TBC1D14: variants seen among roughly 807,000 people sequenced by gnomAD.
TBC1D14 encodes TBC1 domain family member 14, also known as TBC1 domain family, member 14.
A neutral mutation model predicts 79.0 loss-of-function variants in TBC1D14; 26 were observed. The observed-to-expected ratio is 0.33, with a 90% CI of 0.24 to 0.46. The LOEUF (loss-of-function observed/expected upper bound fraction) is 0.46. Ranked by LOEUF, TBC1D14 falls within the 20% of genes least tolerant of loss-of-function variation. The pLI is 1.00. For missense variants in TBC1D14, 769 were observed against 887.6 expected, an observed-to-expected ratio of 0.87 and a Z score of 1.70; for synonymous variants, 394 against 349.9, an observed-to-expected ratio of 1.13 and a Z score of -1.40.
intron 2 of TBC1D14, among the ~76,000 whole-genome samples, chr4:6,930,041 G>A (rs1193901327): frequency 1.3e-5 from 2 of 152,320 alleles, no homozygotes; most frequent in East Asian, 1.9e-4. Flanking sequence ...GGGGAAGTGC[G>A]GGGCTGGGAG....
At chr4:6,950,451 A>G (rs1314464183) in intron 2 of TBC1D14, among the ~76,000 whole-genome samples, 3 of 152,176 alleles carry the variant, frequency 2.0e-5, no homozygotes, top group Non-Finnish European at 2.9e-5. Context: ...TTAGTGCTGA[A>G]TTGAAGTGGG....
chr4:6,935,997 T>G (rs1712288672), intron 2 of TBC1D14, among the ~76,000 whole-genome samples: 1 of 152,234 alleles, frequency 6.6e-6, no homozygotes, highest in South Asian at 2.1e-4. Context: ...TAGACTTTAT[T>G]TTTTAGAGCA....
intron 3 of TBC1D14, among the ~76,000 whole-genome samples, chr4:6,993,416 G>A (rs1340694693): frequency 3.3e-5 from 5 of 152,190 alleles, no homozygotes; most frequent in Admixed American, 1.3e-4. Context: ...TGCAGTGCAC[G>A]GGTGAATCGG....
Position 6,923,779 on chromosome 4 carries a change from T to G in TBC1D14, c.390T>G (p.Phe130Leu). ...AGAGCGTGCGCAAATCCTCCACGTTTCCCAGGACAGGCTATGACTCGGTAA... is the reference window on the plus strand; with the variant it reads ...AGAGCGTGCGCAAATCCTCCACGTTGCCCAGGACAGGCTATGACTCGGTAA... ...REQSVRKSST[F>L]PRTGYDSVKL... is the part of the protein sequence containing the mutation. The change falls in exon 2 of 14, where the codon TTT becomes TTG. Residue 130 changes from phenylalanine (F) to leucine (L), a missense_variant. Around this residue, in one of 2 missense-constraint regions of TBC1D14, gnomAD observed 402 missense variants for 393.2 expected, o/e 1.02. Coordinates refer to ENST00000409757, the MANE Select transcript of TBC1D14 (RefSeq NM_020773.3). 1 of 1,614,062 alleles carries G rather than the reference T, an allele frequency of 6.2e-7. No homozygotes were observed. The highest frequency in any genetic ancestry group is 8.5e-7 in the Non-Finnish European group (1 of 1,180,034).
In TBC1D14 at chr4:7,016,768, G is replaced by A. The variant is rs547294866; in HGVS notation, c.1757+2211G>A. Among the ~76,000 whole-genome samples the A allele has an allele frequency of 7.9e-5, 12 of 152,256 alleles. No individual in the cohort carries two copies. In the South Asian group the frequency reaches 1.4e-3, roughly 18 times the overall value. ...AAAATGCTGGTGATAATCTGCTTTC[G>A]TTGCCTTCGTGATCCACTGGCTGTT... On this transcript the variant is annotated intron_variant, in intron 12 of 13. Transcript: ENST00000409757.
At position 6,988,083 on chromosome 4, in the gene TBC1D14, T is replaced by G. The variant is rs554142261; in HGVS notation, c.844-6101T>G. On this transcript the variant is annotated intron_variant, in intron 3 of 13. Coordinates refer to ENST00000409757, the MANE Select transcript of TBC1D14 (RefSeq NM_020773.3). ...TTAGCCGGGGCTGCCTTTTGGAAGG[T>G]GGGACCTTTCTAAGACCTGTGCAGG... Among the ~76,000 whole-genome samples, 106 of 152,282 alleles carry G rather than the reference T, an allele frequency of 7.0e-4. 2 individuals carry two copies. The South Asian group carries it at 0.022, about 31-fold the overall frequency.
intron 9 of TBC1D14, chr4:7,007,382 CCTT>C (rs1720308560): frequency 2.4e-6 from 1 of 414,164 alleles, no homozygotes; most frequent in South Asian, 2.0e-5. Flanking sequence ...TCTTTAAAGA[CCTT>C]CTATTCTTTG....
chr4:6,964,796 T>G (rs1715555519), intron 2 of TBC1D14, among the ~76,000 whole-genome samples: 1 of 152,214 alleles, frequency 6.6e-6, no homozygotes, highest in Non-Finnish European at 1.5e-5. Flanking sequence ...TTTGTTTTAT[T>G]TTTTTGAAAG....
chr4:6,916,353 A>G (rs1560238343), intron 1 of TBC1D14, among the ~76,000 whole-genome samples: 1 of 152,140 alleles, frequency 6.6e-6, no homozygotes, highest in Non-Finnish European at 1.5e-5. Context: ...CTTCCGGTGG[A>G]TATCTACACA....
chr4:7,011,640 T>A (rs1720785423), intron 11 of TBC1D14, among the ~76,000 whole-genome samples: 1 of 152,026 alleles, frequency 6.6e-6, no homozygotes, highest in Admixed American at 6.6e-5. Flanking sequence ...CACTACGACC[T>A]CCGCTTCCTG....
chr4:6,992,572 T>G (rs1286153048), intron 3 of TBC1D14, among the ~76,000 whole-genome samples: 1 of 152,248 alleles, frequency 6.6e-6, no homozygotes, highest in Non-Finnish European at 1.5e-5. Flanking sequence ...ATTCTGGCCT[T>G]GGCATACAGT....
chr4:6,961,520 G>A (rs1347323866), intron 2 of TBC1D14, among the ~76,000 whole-genome samples: 2 of 152,122 alleles, frequency 1.3e-5, no homozygotes, highest in Non-Finnish European at 2.9e-5. Context: ...GCATGGCCAG[G>A]CTGAACCCCC....
intron 3 of TBC1D14, among the ~76,000 whole-genome samples, chr4:6,988,927 G>C (rs546210312): frequency 7.7e-4 from 70 of 90,468 alleles, no homozygotes; most frequent in African/African-American, 3.0e-3. Context: ...GTCTTGTCCT[G>C]TTGCCCTGGT....
intron 2 of TBC1D14, among the ~76,000 whole-genome samples, chr4:6,931,678 G>A (rs1376471333): frequency 6.6e-6 from 1 of 151,984 alleles, no homozygotes; most frequent in Non-Finnish European, 1.5e-5. Flanking sequence ...GTTTTCTTTT[G>A]GCAGCAAATC....
At chr4:6,965,417 A>G (rs1206550639) in intron 2 of TBC1D14, among the ~76,000 whole-genome samples, 1 of 152,142 alleles carries the variant, frequency 6.6e-6, no homozygotes, top group East Asian at 1.9e-4. Flanking sequence ...ATTATTGTAT[A>G]AATTGTCTCA....
At chr4:6,916,996 C>T (rs1439009125) in intron 1 of TBC1D14, among the ~76,000 whole-genome samples, 1 of 152,206 alleles carries the variant, frequency 6.6e-6, no homozygotes, top group East Asian at 1.9e-4. Flanking sequence ...ACTTTCCTGA[C>T]CATCATGTGT....
intron 1 of TBC1D14, among the ~76,000 whole-genome samples, chr4:6,913,335 A>G (rs574630238): frequency 1.4e-3 from 220 of 152,334 alleles, no homozygotes; most frequent in Non-Finnish European, 2.1e-3. Flanking sequence ...TAACAAACAT[A>G]CATAGAAGTG....
At chr4:7,008,073 G>GC (rs1720389509) in intron 9 of TBC1D14, among the ~76,000 whole-genome samples, 1 of 152,200 alleles carries the variant, frequency 6.6e-6, no homozygotes, top group African/African-American at 2.4e-5. Context: ...GATCATACTG[G>GC]CCTAACAGGG....
At chr4:6,917,938 T>TTC (rs1723535486) in intron 1 of TBC1D14, among the ~76,000 whole-genome samples, 1 of 152,162 alleles carries the variant, frequency 6.6e-6, no homozygotes, top group Non-Finnish European at 1.5e-5. Context: ...TTTTACGGTA[T>TTC]GTTGCAAGCG....
Sources: gnomAD v4.1 joint callset for allele counts (sites outside exome capture counted in the v4.1 genomes callset) on GRCh38, gnomAD v4.1.1 for gene constraint, gnomAD v4.1.1 regional missense constraint, MANE v1.5 for transcripts, NCBI Gene and HGNC (gene_info 2026-07-23, HGNC 2026-07-21) for gene names.